Variants in PFN1 observed in about 807,000 individuals in gnomAD.
The protein encoded by PFN1 is profilin 1.
PFN1 carries 2 observed loss-of-function variants against 11.7 expected under a neutral mutation model. That is an observed-to-expected ratio of 0.17 (90% CI 0.07 to 0.54). The LOEUF (loss-of-function observed/expected upper bound fraction) is 0.54, where lower values mean the gene tolerates loss of function less well. Among genes scored for constraint, PFN1 ranks in the 20% least tolerant of loss-of-function variants. PFN1 has a pLI of 0.94. For missense variants in PFN1, 97 were observed against 188.4 expected (o/e 0.51, Z 2.84); for synonymous variants, 78 against 76.2 (o/e 1.02, Z -0.12).
chr17:4,945,722 G>A lies in PFN1; in HGVS notation c.*178C>T. ...ACAAAAGTTTTCCAACCACACACGG[G>A]AGGGATATGGGTAGGGGGAGGTGTC... On this transcript the variant is annotated 3_prime_UTR_variant, in exon 3 of 3. Transcript: ENST00000225655. 2.0e-6 allele frequency: 1 copy of A among 495,234 alleles called. No homozygotes were observed. Among genetic ancestry groups the A allele is most frequent in the Non-Finnish European group, 3.7e-6 (1 of 271,546 alleles). The allele number at this position is 495,234 out of a possible 1,614,324, so 30.7% of individuals were successfully genotyped here.
Position 4,945,838 on chromosome 17 carries a change from T to C in PFN1, c.*62A>G. On this transcript the variant is annotated 3_prime_UTR_variant, in exon 3 of 3. Transcript: ENST00000225655. Reference sequence around the variant, plus strand: ...CCCAAAAAATAAAATGGTTTGTGTGTGTATGGGGAGGAAAGGGGTGCAAAG... The same window carrying C: ...CCCAAAAAATAAAATGGTTTGTGTGCGTATGGGGAGGAAAGGGGTGCAAAG... 4 of 1,078,470 alleles carry C rather than the reference T, an allele frequency of 3.7e-6. No homozygotes were observed. Among genetic ancestry groups the C allele is most frequent in the South Asian group, 2.5e-5 (2 of 79,988 alleles). 66.8% of individuals were successfully genotyped at this position (1,078,470 alleles called of 1,614,324 possible).
rs961035531 is a variant in PFN1, at chr17:4,948,476, G to T, written c.-82C>A. On this transcript the variant is annotated 5_prime_UTR_variant, in exon 1 of 3. Coordinates refer to ENST00000225655, the MANE Select transcript of PFN1 (RefSeq NM_005022.4). ...AGCTGCCTCGGCTGGCGGGCGGGGGGAGGCGGAGAGCTCGGGGCACGCGCT... is the reference window on the plus strand; with the variant it reads ...AGCTGCCTCGGCTGGCGGGCGGGGGTAGGCGGAGAGCTCGGGGCACGCGCT... 1.3e-5 allele frequency: 18 copies of T among 1,433,230 alleles called. No homozygotes were observed. Among genetic ancestry groups the T allele is most frequent in the Non-Finnish European group, 1.6e-5 (17 of 1,094,514 alleles). The allele number at this position is 1,433,230 out of a possible 1,614,324, so 88.8% of individuals were successfully genotyped here.
At position 4,947,138 on chromosome 17, in the gene PFN1, G is replaced by A. The variant is rs543102997; in HGVS notation, c.133-318C>T. ...AATAAAGGGAGTCAGTGAGGTAAGT[G>A]AGGAGCCTTTGGATGCTCAGAACTC... is the stretch of plus-strand genomic sequence containing the variant. On this transcript the variant is annotated intron_variant, in intron 1 of 2. Coordinates refer to ENST00000225655, the MANE Select transcript of PFN1 (RefSeq NM_005022.4). The A allele has an allele frequency of 1.1e-4, 18 of 160,616 alleles. No individual in the cohort carries two copies. In the South Asian group the frequency reaches 3.2e-3, roughly 28 times the overall value. The allele number at this position is 160,616 out of a possible 1,614,324, so 9.9% of individuals were successfully genotyped here.
Position 4,946,010 on chromosome 17 carries a change from GA to G in PFN1, c.326-14del, listed in dbSNP as rs1371989937. 6.3e-7 allele frequency: 1 copy of G among 1,579,844 alleles called. No individual in the cohort carries two copies. The highest frequency in any genetic ancestry group is 8.7e-7 in the Non-Finnish European group (1 of 1,149,326). ...AGCAGGACTAGCGCTGGAGGAGGAG[GA>G]AAGAGAAAGGAGGCTAGGATCCAGG... is the stretch of plus-strand genomic sequence containing the variant. On this transcript the variant is annotated splice_polypyrimidine_tract_variant and intron_variant, in intron 2 of 2. Transcript: ENST00000225655.
At chr17:4,946,993 G>A in intron 1 of PFN1, 173 bp from the exon 2 acceptor site, 1 of 494,924 alleles carries the variant, frequency 2.0e-6, no homozygotes, top group Non-Finnish European at 3.5e-6. Context: ...AGGACTGTGG[G>A]ACGTTAGTGC....
In PFN1 at chr17:4,948,475, G is replaced by T. The variant is rs1437647878; in HGVS notation, c.-81C>A. On this transcript the variant is annotated 5_prime_UTR_variant, in exon 1 of 3. Coordinates refer to ENST00000225655, the MANE Select transcript of PFN1 (RefSeq NM_005022.4). The stretch of plus-strand genomic sequence containing the variant: ...GAGCTGCCTCGGCTGGCGGGCGGGG[G>T]GAGGCGGAGAGCTCGGGGCACGCGC... The T allele has an allele frequency of 4.9e-6, 7 of 1,440,924 alleles. No individual in the cohort carries two copies. The East Asian group carries it at 1.9e-4, about 39-fold the overall frequency. The allele number at this position is 1,440,924 out of a possible 1,614,324, so 89.3% of individuals were successfully genotyped here.
intron 1 of PFN1, chr17:4,947,992 C>A: frequency 2.8e-6 from 1 of 360,614 alleles, no homozygotes; most frequent in Non-Finnish European, 5.0e-6. Flanking sequence ...CCGCACCGGG[C>A]GCCGCGCCCC....
In PFN1 at chr17:4,946,606, A is replaced by AG. The variant is rs370052999; in HGVS notation, c.325+21dup. 1.1e-5 allele frequency: 18 copies of AG among 1,567,780 alleles called. No homozygotes were observed. The African/African-American group carries it at 1.2e-4, about 11-fold the overall frequency. On this transcript the variant is annotated intron_variant, in intron 2 of 2. Coordinates refer to ENST00000225655, the MANE Select transcript of PFN1 (RefSeq NM_005022.4). ...CATTAGAGATCTTGGAGCTAAAGGA[A>AG]GGGTAAGACTCAGGAACTCACTCTT...
Position 4,948,449 on chromosome 17 carries a change from C to A in PFN1, c.-55G>T. The A allele has an allele frequency of 6.6e-7, 1 of 1,518,704 alleles. No individual in the cohort carries two copies. 94.1% of individuals were successfully genotyped at this position (1,518,704 alleles called of 1,614,324 possible). ...TGCTGCTGGGGCCGCGGACTGGGCT[C>A]GAGCTGCCTCGGCTGGCGGGCGGGG... On this transcript the variant is annotated 5_prime_UTR_variant, in exon 1 of 3. Coordinates refer to ENST00000225655, the MANE Select transcript of PFN1 (RefSeq NM_005022.4).
intron 2 of PFN1, 78 bp from the exon 3 acceptor site, chr17:4,946,075 T>G: frequency 9.1e-7 from 1 of 1,104,734 alleles, no homozygotes; most frequent in Non-Finnish European, 1.4e-6. Context: ...TCAGCAGCTG[T>G]CCAGCCCTGG....
At chr17:4,947,244 C>G (rs964238975) in intron 1 of PFN1, 1 of 152,948 alleles carries the variant, frequency 6.5e-6, no homozygotes, top group African/African-American at 2.4e-5. Context: ...CTTATTTGGT[C>G]AAAGGTTCTG....
chr17:4,947,501 T>C (rs1384271085), intron 1 of PFN1: 2 of 23,278 alleles, frequency 8.6e-5, no homozygotes, highest in African/African-American at 1.8e-4. Flanking sequence ...GGAAACCCCC[T>C]TCCCCCCCCT....
At position 4,945,987 on chromosome 17, in the gene PFN1, C is replaced by T. The variant is rs1971377946; in HGVS notation, c.336G>A (p.Leu112=). The change falls in exon 3 of 3, where the codon CTG becomes CTA. Residue 112 remains leucine, a synonymous_variant. Coordinates refer to ENST00000225655, the MANE Select transcript of PFN1 (RefSeq NM_005022.4). The part of the protein sequence containing the change: ...TVTKTDKTLV[L]LMGKEGVHGG... ...CGTGGACACCTTCTTTGCCCATCAG[C>T]AGGACTAGCGCTGGAGGAGGAGGAA... The T allele has an allele frequency of 6.2e-7, 1 of 1,611,948 alleles. No homozygotes were observed.
At chr17:4,946,485 C>T (rs1026594349) in intron 2 of PFN1, 143 bp downstream of exon 2, 1 of 641,244 alleles carries the variant, frequency 1.6e-6, no homozygotes, top group Non-Finnish European at 2.7e-6. Flanking sequence ...TCCCGTGTTC[C>T]AGCATCCAGC....
Position 4,946,014 on chromosome 17 carries a change from GAGAA to G in PFN1, c.326-21_326-18del, listed in dbSNP as rs779579110. 36 of 1,572,454 alleles carry G rather than the reference GAGAA, an allele frequency of 2.3e-5. No homozygotes were observed. Among genetic ancestry groups the G allele is most frequent in the Admixed American group, 8.3e-5 (5 of 59,924 alleles). On this transcript the variant is annotated intron_variant, in intron 2 of 2. Transcript: ENST00000225655. ...GGACTAGCGCTGGAGGAGGAGGAAA[GAGAA>G]AGGAGGCTAGGATCCAGGTGTCACA...
At chr17:4,948,163 C>T (rs774236141) in intron 1 of PFN1, 100 bp downstream of exon 1, 109 of 1,371,454 alleles carry the variant, frequency 7.9e-5, no homozygotes, top group Non-Finnish European at 1.0e-4. Flanking sequence ...CCAGTCAGGG[C>T]CTCTCGCTGC....
intron 1 of PFN1, 142 bp from the exon 2 acceptor site, chr17:4,946,962 A>G (rs1458595948): frequency 1.0e-5 from 6 of 579,814 alleles, no homozygotes; most frequent in Non-Finnish European, 1.5e-5. Context: ...AGTACACATC[A>G]ATGAACTGTG....
intron 1 of PFN1, 62 bp downstream of exon 1, chr17:4,948,201 C>G: frequency 6.6e-7 from 1 of 1,514,664 alleles, no homozygotes; most frequent in South Asian, 1.3e-5. Context: ...CGCCCCCACC[C>G]AAGTCCCTCC....
rs549731266 is a variant in PFN1 at position 4,946,176 on chromosome 17, A to G, written c.326-179T>C. Reference sequence around the variant, plus strand: ...ACCCTGAAACAATAAGGCTTTTCAAAAGAGGAAAATCAAGCTTAAACGCTG... The same window carrying G: ...ACCCTGAAACAATAAGGCTTTTCAAGAGAGGAAAATCAAGCTTAAACGCTG... On this transcript the variant is annotated intron_variant, in intron 2 of 2. Transcript: ENST00000225655. Among the ~76,000 whole-genome samples the G allele has an allele frequency of 5.3e-5, 8 of 151,814 alleles. No homozygotes were observed. In the East Asian group the frequency reaches 1.6e-3, roughly 29 times the overall value.
Sources: allele counts gnomAD v4.1 joint callset (sites outside exome capture counted in the v4.1 genomes callset), GRCh38; gene constraint gnomAD v4.1.1; transcripts MANE v1.5; gene names NCBI Gene and HGNC (gene_info 2026-07-23, HGNC 2026-07-21).